Variants in MACC1 observed in about 807,000 individuals in gnomAD.
MACC1 encodes metastasis-associated in colon cancer protein 1.
MACC1 carries 79 observed loss-of-function variants against 70.7 expected under a neutral mutation model. The observed-to-expected ratio is 1.12, with a 90% confidence interval of 0.93 to 1.35. MACC1 has a LOEUF of 1.35. MACC1 is among the 40% of genes most tolerant of loss of function. MACC1 has a pLI of 0.00. For synonymous variants in MACC1, 361 were observed against 347.2 expected (o/e 1.04, Z -0.44); for missense variants, 1,106 against 978.1 (o/e 1.13, Z -1.74).
chr7:20,165,210 G>T (rs1462375621), intron 2 of MACC1, among the ~76,000 whole-genome samples: 1 of 152,122 alleles, frequency 6.6e-6, no homozygotes, highest in Non-Finnish European at 1.5e-5. Context: ...CACTTGGAAG[G>T]CTTAATCAAA....
At chr7:20,178,177 C>T (rs1439493091) in intron 1 of MACC1, among the ~76,000 whole-genome samples, 2 of 151,784 alleles carry the variant, frequency 1.3e-5, no homozygotes, top group African/African-American at 4.8e-5. Context: ...CTTACTAATA[C>T]TCTAAAACAA....
chr7:20,161,670 G>T, intron 4 of MACC1, 78 bp downstream of exon 4: 1 of 814,914 alleles, frequency 1.2e-6, no homozygotes, highest in Non-Finnish European at 2.1e-6. Flanking sequence ...CATTTTCAGA[G>T]GTAGACCTTC....
intron 1 of MACC1, among the ~76,000 whole-genome samples, chr7:20,191,053 A>G (rs1782665006): frequency 6.6e-6 from 1 of 152,180 alleles, no homozygotes; most frequent in Non-Finnish European, 1.5e-5. Flanking sequence ...CTTAGTGGAC[A>G]TTTTACTCAT....
intron 6 of MACC1, among the ~76,000 whole-genome samples, chr7:20,146,102 A>G (rs892499385): frequency 9.9e-5 from 15 of 151,470 alleles, no homozygotes; most frequent in African/African-American, 3.6e-4. Flanking sequence ...CAGAGGTTGC[A>G]GTGAGGCAAG....
At chr7:20,190,235 C>A (rs1782652491) in intron 1 of MACC1, among the ~76,000 whole-genome samples, 1 of 152,194 alleles carries the variant, frequency 6.6e-6, no homozygotes, top group Admixed American at 6.5e-5. Flanking sequence ...AACACCAAAC[C>A]TATTACCTTT....
Position 20,158,766 on chromosome 7 carries a change from A to G in MACC1, c.1595T>C (p.Leu532Ser). The G allele has an allele frequency of 6.2e-7, 1 of 1,614,034 alleles. No homozygotes were observed. Among genetic ancestry groups the G allele is most frequent in the Non-Finnish European group, 8.5e-7 (1 of 1,180,004 alleles). Reference sequence around the variant, plus strand: ...ATATTTAACAAGAATTTTTGGTGATAAAGGAGCAGACTTGATTTCCTCCTT... The same window carrying G: ...ATATTTAACAAGAATTTTTGGTGATGAAGGAGCAGACTTGATTTCCTCCTT... ...QKKEEIKSAPLSPKILVKYPT... is the reference protein window; with the variant it reads ...QKKEEIKSAPSSPKILVKYPT... The change falls in exon 5 of 7, where the codon TTA (leucine) becomes TCA (serine). Residue 532 changes from leucine (L) to serine (S), a missense_variant. Leu to Ser is a moderately radical substitution (Grantham distance 145, BLOSUM62 -2). Coordinates refer to ENST00000400331, the MANE Select transcript of MACC1 (RefSeq NM_182762.4).
chr7:20,196,702 G>C (rs1782760217), intron 1 of MACC1, among the ~76,000 whole-genome samples: 1 of 151,946 alleles, frequency 6.6e-6, no homozygotes, highest in African/African-American at 2.4e-5. Flanking sequence ...GAATTAAAAA[G>C]AGCTTAGCGA....
At chr7:20,194,269 G>T (rs769640179) in intron 1 of MACC1, among the ~76,000 whole-genome samples, 31 of 152,032 alleles carry the variant, frequency 2.0e-4, no homozygotes, top group Non-Finnish European at 2.4e-4. Context: ...AAAATTTTAA[G>T]CAATAAAAAG....
At chr7:20,187,468 C>T (rs1040594018) in intron 1 of MACC1, among the ~76,000 whole-genome samples, 5 of 152,164 alleles carry the variant, frequency 3.3e-5, no homozygotes, top group Admixed American at 2.6e-4. Context: ...TTGTCCTTTG[C>T]CTGCCTTTCC....
chr7:20,144,457 G>T (rs1781856714), intron 6 of MACC1, among the ~76,000 whole-genome samples: 1 of 152,124 alleles, frequency 6.6e-6, no homozygotes, highest in Admixed American at 6.5e-5. Context: ...GAGTTCTGTT[G>T]CCTATTTGAT....
At chr7:20,213,693 A>G (rs1483080220) in intron 1 of MACC1, among the ~76,000 whole-genome samples, 1 of 152,156 alleles carries the variant, frequency 6.6e-6, no homozygotes, top group African/African-American at 2.4e-5. Context: ...TTTATGAGTG[A>G]GAGTTAAATG....
chr7:20,165,129 T>C (rs1782194882), intron 2 of MACC1, among the ~76,000 whole-genome samples: 1 of 152,132 alleles, frequency 6.6e-6, no homozygotes, highest in Non-Finnish European at 1.5e-5. Context: ...ATTATCCTTA[T>C]TCTCCAGTCA....
intron 6 of MACC1, among the ~76,000 whole-genome samples, chr7:20,152,840 C>T (rs1782000623): frequency 2.0e-5 from 3 of 152,186 alleles, no homozygotes; most frequent in Admixed American, 2.0e-4. Context: ...CAACAAAACT[C>T]TTTCAAAACA....
At chr7:20,149,382 A>G (rs1781941637) in intron 6 of MACC1, among the ~76,000 whole-genome samples, 1 of 152,204 alleles carries the variant, frequency 6.6e-6, no homozygotes, top group African/African-American at 2.4e-5. Flanking sequence ...AATAATATGT[A>G]TTTAGTGATT....
In MACC1 at chr7:20,158,504, C is replaced by T. The variant is rs1405508559; in HGVS notation, c.1857G>A (p.Lys619=). ...VHCKNVKVIS[K]EQVMFMSDSV... Reference sequence around the variant, plus strand: ...TATCTGACATAAACATTACTTGCTCCTTTGAAATCACCTTGACATTTTTGC... The same window carrying T: ...TATCTGACATAAACATTACTTGCTCTTTTGAAATCACCTTGACATTTTTGC... The change falls in exon 5 of 7, where the codon AAG becomes AAA. Residue 619 remains lysine, a synonymous_variant. Coordinates refer to ENST00000400331, the MANE Select transcript of MACC1 (RefSeq NM_182762.4). The T allele has an allele frequency of 6.2e-7, 1 of 1,614,082 alleles. No individual in the cohort carries two copies.
At chr7:20,217,199 C>T (rs1419263015) in intron 1 of MACC1, 100 bp downstream of exon 1, 2 of 152,136 alleles carry the variant, frequency 1.3e-5, no homozygotes, top group Admixed American at 6.5e-5. Context: ...ATTTGTTAAG[C>T]AGCTGGTTTG....
intron 4 of MACC1, 56 bp downstream of exon 4, chr7:20,161,692 G>A (rs377692555): frequency 1.8e-5 from 18 of 1,000,784 alleles, no homozygotes; most frequent in Middle Eastern, 2.1e-4. Context: ...ACAATTATTG[G>A]TGATGAATTT....
rs535754523 is a variant in MACC1 at position 20,160,304 on chromosome 7, T to A, written c.116-59A>T. On this transcript the variant is annotated intron_variant, in intron 4 of 6. Coordinates refer to ENST00000400331, the MANE Select transcript of MACC1 (RefSeq NM_182762.4). ...GATAAGGTGGCACTGTGAGTTACAATCAAGATTAATTTTTCCCATAGCTTA... is the reference window on the plus strand; with the variant it reads ...GATAAGGTGGCACTGTGAGTTACAAACAAGATTAATTTTTCCCATAGCTTA... The A allele has an allele frequency of 2.2e-5, 33 of 1,476,776 alleles. 1 individual carries two copies. The East Asian group carries it at 7.8e-4, about 35-fold the overall frequency. 91.5% of individuals were successfully genotyped at this position (1,476,776 alleles called of 1,614,324 possible).
intron 2 of MACC1, among the ~76,000 whole-genome samples, chr7:20,167,378 T>C (rs1248184301): frequency 1.3e-5 from 2 of 151,770 alleles, no homozygotes; most frequent in Non-Finnish European, 2.9e-5. Flanking sequence ...TGTATTTTAG[T>C]AGAGATGGGG....
Sources: gnomAD v4.1 joint callset for allele counts (sites outside exome capture counted in the v4.1 genomes callset) on GRCh38, gnomAD v4.1.1 for gene constraint, MANE v1.5 for transcripts, NCBI Gene and HGNC (gene_info 2026-07-23, HGNC 2026-07-21) for gene names.